ATF7IP2: variants seen among roughly 807,000 people sequenced by gnomAD.
ATF7IP2 encodes activating transcription factor 7-interacting protein 2.
In ATF7IP2, 42 loss-of-function variants were observed where a neutral mutation model predicts 64.2. That is an observed-to-expected ratio of 0.65 (90% CI 0.51 to 0.85). ATF7IP2 has a LOEUF of 0.85. Among genes scored for constraint, ATF7IP2 ranks in the 40% least tolerant of loss-of-function variants. ATF7IP2 has a pLI of 0.00. For synonymous variants in ATF7IP2, 308 were observed against 272.8 expected (o/e 1.13, Z -1.27); for missense variants, 933 against 784.2 (o/e 1.19, Z -2.27).
chr16:10,441,126 A>T (rs2048605687), intron 8 of ATF7IP2, among the ~76,000 whole-genome samples: 1 of 152,208 alleles, frequency 6.6e-6, no homozygotes, highest in Non-Finnish European at 1.5e-5. Flanking sequence ...TATAAGTGCC[A>T]CATTGTCTTT....
intron 12 of ATF7IP2, among the ~76,000 whole-genome samples, chr16:10,476,913 T>A (rs1169986420): frequency 6.6e-6 from 1 of 152,222 alleles, no homozygotes; most frequent in East Asian, 1.9e-4. Context: ...GATGGGCTTT[T>A]GGGTTGATTC....
At position 10,431,450 on chromosome 16, in the gene ATF7IP2, A is replaced by G. The variant is rs770026975; in HGVS notation, c.830A>G (p.Asn277Ser). 16 of 1,587,154 alleles carry G rather than the reference A, an allele frequency of 1.0e-5. No individual in the cohort carries two copies. In the East Asian group the frequency reaches 2.9e-4, roughly 29 times the overall value. The change falls in exon 5 of 14, where the codon AAC (asparagine) becomes AGC (serine). Residue 277 changes from asparagine to serine, a missense_variant. By Grantham distance (46) the Asn-to-Ser change is conservative. Coordinates refer to ENST00000562102, the MANE Select transcript of ATF7IP2 (RefSeq NM_001393719.1). ...STWQSSLDTNNNSHYQKKRMF... is the reference protein window; with the variant it reads ...STWQSSLDTNSNSHYQKKRMF... ...TGGCAGTCATCACTTGACACTAATA[A>G]CAACAGTAAGTATATACTTATGCAC...
intron 1 of ATF7IP2, among the ~76,000 whole-genome samples, chr16:10,396,731 C>G (rs1452829397): frequency 6.6e-6 from 1 of 151,952 alleles, no homozygotes; most frequent in Admixed American, 6.6e-5. Context: ...TCACTGCAGC[C>G]TCCACCTCCT....
intron 1 of ATF7IP2, among the ~76,000 whole-genome samples, chr16:10,389,918 TC>T (rs1195086499): frequency 6.6e-6 from 1 of 152,196 alleles, no homozygotes; most frequent in East Asian, 1.9e-4. Context: ...ACTATATAAC[TC>T]TTAAAGGGCC....
chr16:10,437,051 C>T (rs1374325728), intron 6 of ATF7IP2, among the ~76,000 whole-genome samples: 7 of 147,798 alleles, frequency 4.7e-5, no homozygotes, highest in South Asian at 4.3e-4. Flanking sequence ...GACGGAGTCT[C>T]GCTCAATCAC....
chr16:10,415,005 A>G (rs73514846), intron 2 of ATF7IP2, among the ~76,000 whole-genome samples: 2,044 of 152,328 alleles, frequency 0.013, 47 homozygotes, highest in African/African-American at 0.046. Flanking sequence ...AAGATACTTC[A>G]TGTTTGTGGA....
rs954621017 is a variant in ATF7IP2 at position 10,483,553 on chromosome 16, G to C, written c.*1304G>C. ...TTTCTGGTACATGGTGAGAGTTCAG[G>C]CTCCAGAGACTCAAAACGGAATGGT... is the stretch of plus-strand genomic sequence containing the variant. On this transcript the variant is annotated 3_prime_UTR_variant, in exon 14 of 14. Transcript: ENST00000562102. The C allele has an allele frequency of 1.4e-4, 22 of 152,146 alleles. No homozygotes were observed. The highest frequency in any genetic ancestry group is 5.3e-4 in the African/African-American group (22 of 41,436). 9.4% of individuals were successfully genotyped at this position (152,146 alleles called of 1,614,324 possible). A position where few individuals can be genotyped will look rare whatever the true frequency, so the allele number is the denominator to read the frequency against.
intron 1 of ATF7IP2, among the ~76,000 whole-genome samples, chr16:10,393,922 G>C (rs1238491654): frequency 6.6e-6 from 1 of 152,182 alleles, no homozygotes; most frequent in African/African-American, 2.4e-5. Context: ...CATACGTGTA[G>C]TCCCAGCTGC....
chr16:10,470,821 G>GTA (rs2049770221), intron 9 of ATF7IP2, among the ~76,000 whole-genome samples: 1 of 144,242 alleles, frequency 6.9e-6, no homozygotes, highest in African/African-American at 2.7e-5. Context: ...ATATGTGTGT[G>GTA]TGTATATATA....
chr16:10,412,024 T>TG (rs2047776688), intron 1 of ATF7IP2, among the ~76,000 whole-genome samples: 1 of 145,374 alleles, frequency 6.9e-6, no homozygotes, highest in Non-Finnish European at 1.5e-5. Context: ...TTTTTTTTTT[T>TG]TTTTTTTTTT....
intron 12 of ATF7IP2, among the ~76,000 whole-genome samples, chr16:10,478,707 G>A (rs2050100229): frequency 6.6e-6 from 1 of 152,154 alleles, no homozygotes; most frequent in Non-Finnish European, 1.5e-5. Context: ...TACCATCAGA[G>A]TGAACAGGCA....
chr16:10,408,691 T>G (rs546374325), intron 1 of ATF7IP2, among the ~76,000 whole-genome samples: 1 of 152,256 alleles, frequency 6.6e-6, no homozygotes, highest in East Asian at 1.9e-4. Flanking sequence ...GATTATTTGT[T>G]TTTTTTCTTG....
chr16:10,456,258 T>A lies in ATF7IP2; in HGVS notation c.1195-1114T>A, dbSNP rs116397051. 8.0e-3 allele frequency among the ~76,000 whole-genome samples: 1,225 copies of A among 152,268 alleles called. 20 individuals are homozygous for A. The highest frequency in any genetic ancestry group is 0.028 in the African/African-American group (1,144 of 41,558). Reference sequence around the variant, plus strand: ...TTAGCAGAAAGGAACCAGGACTTAATGATTTAGGCAATTCTCAGCCTGACC... The same window carrying A: ...TTAGCAGAAAGGAACCAGGACTTAAAGATTTAGGCAATTCTCAGCCTGACC... On this transcript the variant is annotated intron_variant, in intron 8 of 13. Transcript: ENST00000562102.
intron 9 of ATF7IP2, among the ~76,000 whole-genome samples, chr16:10,465,821 G>T (rs2049548583): frequency 6.6e-6 from 1 of 151,912 alleles, no homozygotes; most frequent in African/African-American, 2.4e-5. Context: ...AAATCTAGTG[G>T]AATTCCCGTT....
At chr16:10,432,449 T>C (rs1187206620) in intron 5 of ATF7IP2, among the ~76,000 whole-genome samples, 1 of 152,106 alleles carries the variant, frequency 6.6e-6, no homozygotes, top group Non-Finnish European at 1.5e-5. Context: ...ATTTCAAATA[T>C]GTATAATAGG....
rs549168773 is a variant in ATF7IP2 at position 10,469,757 on chromosome 16, C to T, written c.1353-2353C>T. Among the ~76,000 whole-genome samples the T allele has an allele frequency of 1.2e-4, 18 of 152,096 alleles. 1 individual carries two copies. The East Asian group carries it at 3.5e-3, about 29-fold the overall frequency. ...TGCCACTGCACTCCAGCCTGGGAAA[C>T]GAGCAAAACACCGTCTCAAAAAACA... is the stretch of plus-strand genomic sequence containing the variant. On this transcript the variant is annotated intron_variant, in intron 9 of 13. Coordinates refer to ENST00000562102, the MANE Select transcript of ATF7IP2 (RefSeq NM_001393719.1).
intron 1 of ATF7IP2, among the ~76,000 whole-genome samples, chr16:10,412,002 C>CTTTTTTTTTTTTTTTT (rs1266034395): frequency 5.2e-4 from 7 of 13,402 alleles, no homozygotes; most frequent in Non-Finnish European, 9.3e-4. Flanking sequence ...TTTCATTTAT[C>CTTTTTTTTTTTTTTTT]TTTTTTTGTT....
chr16:10,468,150 G>C (rs1461881488), intron 9 of ATF7IP2, among the ~76,000 whole-genome samples: 4 of 152,060 alleles, frequency 2.6e-5, no homozygotes, highest in Non-Finnish European at 5.9e-5. Flanking sequence ...AAAGTGCTGG[G>C]ATTACAGGCA....
intron 8 of ATF7IP2, 46 bp downstream of exon 8, chr16:10,440,508 T>G: frequency 9.1e-7 from 1 of 1,094,460 alleles, no homozygotes. Context: ...TTGACTCATA[T>G]AAGTGGTTTG....
Sources: allele counts gnomAD v4.1 joint callset (sites outside exome capture counted in the v4.1 genomes callset), GRCh38; gene constraint gnomAD v4.1.1; transcripts MANE v1.5; gene names NCBI Gene and HGNC (gene_info 2026-07-23, HGNC 2026-07-21).